The following SFXN5 variants were observed in gnomAD, a reference collection of about 807,000 sequenced individuals.
SFXN5 encodes the protein sideroflexin-5.
Under a neutral mutation model 50.2 loss-of-function variants are expected in SFXN5, and 43 were observed. That is an observed-to-expected ratio of 0.86 (90% CI 0.67 to 1.11). The LOEUF is 1.11. Among genes scored for constraint, SFXN5 ranks in the 50% least tolerant of loss-of-function variants. SFXN5 has a pLI of 0.00. For synonymous variants in SFXN5, 203 were observed against 185.8 expected, an observed-to-expected ratio of 1.09 and a Z score of -0.75; for missense variants, 463 against 454.1, an observed-to-expected ratio of 1.02 and a Z score of -0.18.
chr2:73,001,770 T>A (rs555572909), intron 6 of SFXN5, among the ~76,000 whole-genome samples, 192 bp from the exon 7 acceptor site: 9 of 152,256 alleles, frequency 5.9e-5, no homozygotes, highest in African/African-American at 1.7e-4. Context: ...CAGAATTATA[T>A]TACAGCATAA....
chr2:72,986,447 C>T (rs1671935278), intron 10 of SFXN5, among the ~76,000 whole-genome samples: 1 of 152,050 alleles, frequency 6.6e-6, no homozygotes, highest in African/African-American at 2.4e-5. Flanking sequence ...AGAAGCAGGG[C>T]CCTGTAGATG....
intron 10 of SFXN5, among the ~76,000 whole-genome samples, chr2:72,972,090 C>T (rs1325981135): frequency 6.6e-6 from 1 of 152,228 alleles, no homozygotes; most frequent in East Asian, 1.9e-4. Context: ...GGGGCCCTTG[C>T]GCTGCCCTAT....
At position 72,953,474 on chromosome 2, in the gene SFXN5, A is replaced by C. The variant is rs144187502; in HGVS notation, c.945+7657T>G. ...CCCTAGACATTGTCTCTGGCCTCGC[A>C]TCAACCCTGGAAGAGTGGGAGAAGC... is the stretch of plus-strand genomic sequence containing the variant. On this transcript the variant is annotated intron_variant, in intron 13 of 13. Transcript: ENST00000272433. The surrounding 1 kb of genome is among the most constrained non-coding windows in gnomAD (Gnocchi z 4.1). Among the ~76,000 whole-genome samples the C allele has an allele frequency of 1.8e-4, 28 of 152,314 alleles. No individual in the cohort carries two copies. The highest frequency in any genetic ancestry group is 6.7e-4 in the African/African-American group (28 of 41,588).
At chr2:72,954,537 A>G (rs964250488) in intron 13 of SFXN5, among the ~76,000 whole-genome samples, 2 of 152,100 alleles carry the variant, frequency 1.3e-5, no homozygotes, top group African/African-American at 4.8e-5. Context: ...GAGGCAGGGA[A>G]GAGACACACG....
intron 10 of SFXN5, among the ~76,000 whole-genome samples, chr2:72,986,017 AG>A (rs1316494308): frequency 6.6e-6 from 1 of 152,260 alleles, no homozygotes; most frequent in Non-Finnish European, 1.5e-5. Flanking sequence ...GATCCAGCCC[AG>A]TGCAGCAGAG....
chr2:73,065,658 G>C (rs1271066929), intron 1 of SFXN5, among the ~76,000 whole-genome samples: 4 of 150,886 alleles, frequency 2.7e-5, no homozygotes, highest in Non-Finnish European at 5.9e-5. Flanking sequence ...TGGCCTCCCA[G>C]AGTGCTGGGA....
rs190455354 is a variant in SFXN5 at position 72,971,553 on chromosome 2, C to A, written c.741+17G>T. 446 of 1,602,900 alleles carry A rather than the reference C, an allele frequency of 2.8e-4. 2 individuals are homozygous for A. In the African/African-American group the frequency reaches 5.6e-3, roughly 20 times the overall value. On this transcript the variant is annotated intron_variant, in intron 11 of 13. Transcript: ENST00000272433. ...CCTGTTGCTGGCCTCCCCAACCCTG[C>A]GAACCCCCAGACCCACGTGTCGGGC... is the stretch of plus-strand genomic sequence containing the variant.
chr2:72,993,164 T>C (rs1221352420), intron 9 of SFXN5, among the ~76,000 whole-genome samples: 1 of 151,814 alleles, frequency 6.6e-6, no homozygotes. Flanking sequence ...TCTTGGGTGG[T>C]AGATAATAAT....
At chr2:72,988,961 C>T (rs1308780966) in intron 9 of SFXN5, among the ~76,000 whole-genome samples, 1 of 152,016 alleles carries the variant, frequency 6.6e-6, no homozygotes, top group Non-Finnish European at 1.5e-5. Context: ...ATGCCAGACA[C>T]CCCACCCCAG....
intron 10 of SFXN5, among the ~76,000 whole-genome samples, chr2:72,985,927 C>T (rs1671862208): frequency 6.6e-6 from 1 of 152,180 alleles, no homozygotes; most frequent in South Asian, 2.1e-4. Context: ...GCAAGATGGC[C>T]AGTAGGGCTG....
At chr2:73,047,263 T>TACACACAC (rs1285572080) in intron 2 of SFXN5, among the ~76,000 whole-genome samples, 1 of 77,224 alleles carries the variant, frequency 1.3e-5, no homozygotes, top group African/African-American at 5.2e-5. Context: ...TATATATATA[T>TACACACAC]ATATATATAT....
chr2:73,050,944 T>C (rs369118484), intron 2 of SFXN5, among the ~76,000 whole-genome samples: 1 of 152,272 alleles, frequency 6.6e-6, no homozygotes, highest in African/African-American at 2.4e-5. Flanking sequence ...TGAAGCATCC[T>C]GAATGCTTTG....
chr2:73,023,761 T>C (rs1321336204), intron 3 of SFXN5, among the ~76,000 whole-genome samples: 2 of 148,640 alleles, frequency 1.3e-5, no homozygotes, highest in Non-Finnish European at 3.0e-5. Flanking sequence ...CTCAGAGCAA[T>C]GTCAGCACAA....
rs1357856065 is a variant in SFXN5 at position 72,950,569 on chromosome 2, T to C, written c.946-5470A>G. ...CTGGGGCAGGAACCCCTGAGTTGCC[T>C]GCTCACCTATATGTGATGTTTCCTC... On this transcript the variant is annotated intron_variant, in intron 13 of 13. Coordinates refer to ENST00000272433, the MANE Select transcript of SFXN5 (RefSeq NM_144579.3). This position sits in a 1 kb window ranked among gnomAD's most constrained non-coding sequence, Gnocchi z 4.2. 1.3e-5 allele frequency among the ~76,000 whole-genome samples: 2 copies of C among 152,168 alleles called. No individual in the cohort carries two copies. The highest frequency in any genetic ancestry group is 2.9e-5 in the Non-Finnish European group (2 of 68,020).
chr2:73,058,552 G>C lies in SFXN5; in HGVS notation c.147C>G (p.Asp49Glu), dbSNP rs754258881. The C allele has an allele frequency of 1.2e-6, 2 of 1,613,998 alleles. No homozygotes were observed. Among genetic ancestry groups the C allele is most frequent in the Middle Eastern group, 3.3e-4 (2 of 6,084 alleles). Residue 49 changes from aspartate (D) to glutamate (E), a missense_variant, in exon 2 of 14, where the codon GAC becomes GAG. Coordinates refer to ENST00000272433, the MANE Select transcript of SFXN5 (RefSeq NM_144579.3). Reference protein sequence around the residue: ...GRFRHFLDIIDPRTLFVTERR... With the variant: ...GRFRHFLDIIEPRTLFVTERR... The stretch of plus-strand genomic sequence containing the variant: ...CCTCAGTGACAAAGAGTGTGCGAGG[G>C]TCGATGATATCCAAGAAGTGCCTGA...
intron 2 of SFXN5, among the ~76,000 whole-genome samples, chr2:73,052,359 CGTGTGT>C (rs59839344): frequency 0.14 from 20,444 of 142,220 alleles, 2,089 homozygotes; most frequent in African/African-American, 0.3. Flanking sequence ...TGTGTGTATG[CGTGTGT>C]GTGTGTGTGT....
intron 10 of SFXN5, among the ~76,000 whole-genome samples, chr2:72,976,881 A>G (rs1361732770): frequency 6.6e-6 from 1 of 152,254 alleles, no homozygotes; most frequent in Non-Finnish European, 1.5e-5. Context: ...GATATTTATT[A>G]CATATGATAA....
rs538911951 is a variant in SFXN5, at chr2:73,008,701, G to T, written c.358-7123C>A. Among the ~76,000 whole-genome samples, 134 of 152,322 alleles carry T rather than the reference G, an allele frequency of 8.8e-4. 1 individual carries two copies. Among genetic ancestry groups the T allele is most frequent in the Admixed American group, 9.8e-4 (15 of 15,302 alleles). On this transcript the variant is annotated intron_variant, in intron 6 of 13. Coordinates refer to ENST00000272433, the MANE Select transcript of SFXN5 (RefSeq NM_144579.3). ...CTGGAAAGATACCTGAAGAAAGGGA[G>T]TGACGAACCGCAGAGCCTCAGGGAC... is the stretch of plus-strand genomic sequence containing the variant.
chr2:72,971,706 G>T, intron 10 of SFXN5, 21 bp from the exon 11 acceptor site: 1 of 1,588,236 alleles, frequency 6.3e-7, no homozygotes, highest in Non-Finnish European at 8.6e-7. Context: ...AGGGGATGCA[G>T]AGAGCAGGAT....
Sources: gnomAD v4.1 joint callset for allele counts (sites outside exome capture counted in the v4.1 genomes callset) on GRCh38, gnomAD v4.1.1 for gene constraint, Gnocchi (gnomAD v3.1) non-coding constraint, MANE v1.5 for transcripts, NCBI Gene and HGNC (gene_info 2026-07-23, HGNC 2026-07-21) for gene names.